The following FSHR variants were observed in gnomAD, a reference collection of about 807,000 sequenced individuals.
FSHR encodes the protein follicle-stimulating hormone receptor.
Under a neutral mutation model 52.1 loss-of-function variants are expected in FSHR, and 46 were observed. That is an observed-to-expected ratio of 0.88 (90% CI 0.70 to 1.13). FSHR has a LOEUF of 1.13. Among genes scored for constraint, FSHR ranks in the 50% most tolerant of loss-of-function variants. The probability of loss-of-function intolerance (pLI) is 0.00; values close to 1 mark genes in which losing one functional copy is unlikely to be tolerated. For missense variants in FSHR, 964 were observed against 834.6 expected, an observed-to-expected ratio of 1.16 and a Z score of -1.91; for synonymous variants, 399 against 309.6, an observed-to-expected ratio of 1.29 and a Z score of -3.03.
chr2:49,022,030 A>G (rs1422353487), intron 2 of FSHR, among the ~76,000 whole-genome samples: 7 of 151,068 alleles, frequency 4.6e-5, no homozygotes, highest in African/African-American at 1.7e-4. Flanking sequence ...GGGATGGAAG[A>G]AGAAAGCCTT....
rs770753253 is a variant in FSHR, at chr2:48,968,918, T to A, written c.669-35A>T. ...GAAAAGGTAAATATAACAGGATTACTATGGACCTAAAACTTTCTGCTCTTG... is the reference window on the plus strand; with the variant it reads ...GAAAAGGTAAATATAACAGGATTACAATGGACCTAAAACTTTCTGCTCTTG... On this transcript the variant is annotated intron_variant, in intron 8 of 9. Transcript: ENST00000406846. 2.5e-6 allele frequency: 4 copies of A among 1,595,416 alleles called. No individual in the cohort carries two copies. The Admixed American group carries it at 6.7e-5, about 27-fold the overall frequency.
intron 2 of FSHR, among the ~76,000 whole-genome samples, chr2:49,053,571 CA>C (rs1668946637): frequency 6.6e-6 from 1 of 152,074 alleles, no homozygotes; most frequent in Non-Finnish European, 1.5e-5. Flanking sequence ...TTTTTCCCCC[CA>C]CAAAGTCTCA....
At chr2:49,098,066 GAAATA>G (rs1670891629) in intron 1 of FSHR, among the ~76,000 whole-genome samples, 2 of 152,004 alleles carry the variant, frequency 1.3e-5, no homozygotes, top group Admixed American at 6.6e-5. Context: ...GTAGGGTTAC[GAAATA>G]AAATAAAGAT....
At chr2:48,978,490 A>T (rs2104044872) in intron 8 of FSHR, among the ~76,000 whole-genome samples, 1 of 152,374 alleles carries the variant, frequency 6.6e-6, no homozygotes, top group Middle Eastern at 3.4e-3. Flanking sequence ...AATGAATCTG[A>T]GCTATAGCCA....
intron 6 of FSHR, among the ~76,000 whole-genome samples, chr2:48,988,669 G>C (rs1675625777): frequency 6.6e-6 from 1 of 152,218 alleles, no homozygotes; most frequent in Non-Finnish European, 1.5e-5. Flanking sequence ...AGCCTTGCCA[G>C]GCAATAACTA....
chr2:49,081,969 G>A (rs1287627745), intron 1 of FSHR, among the ~76,000 whole-genome samples: 1 of 152,288 alleles, frequency 6.6e-6, no homozygotes, highest in South Asian at 2.1e-4. Flanking sequence ...ATGATACTGG[G>A]TTCTGTGTTC....
chr2:49,017,516 A>G lies in FSHR; in HGVS notation c.347T>C (p.Phe116Ser). 1 of 1,613,514 alleles carries G rather than the reference A, an allele frequency of 6.2e-7. No individual in the cohort carries two copies. The highest frequency in any genetic ancestry group is 1.1e-5 in the South Asian group (1 of 91,070). The stretch of plus-strand genomic sequence containing the variant: ...ATATTGAAGGTTGGGAAGGTTCTGG[A>G]AGGCCTCAGGGTTGATGTAGAGCAG... ...NNLLYINPEA[F>S]QNLPNLQYLL... Residue 116 changes from phenylalanine (F) to serine (S), a missense_variant, in exon 4 of 10, where the codon TTC becomes TCC. Transcript: ENST00000406846.
At chr2:49,153,243 C>T (rs1048366057) in intron 1 of FSHR, among the ~76,000 whole-genome samples, 3 of 152,170 alleles carry the variant, frequency 2.0e-5, no homozygotes, top group African/African-American at 7.2e-5. Flanking sequence ...TGCAAATCAT[C>T]CACAGCTTTA....
At chr2:49,148,313 T>A (rs1672941320) in intron 1 of FSHR, among the ~76,000 whole-genome samples, 1 of 151,964 alleles carries the variant, frequency 6.6e-6, no homozygotes, top group Non-Finnish European at 1.5e-5. Flanking sequence ...ACACAGGAAT[T>A]TTCTTAAAAC....
At chr2:49,057,396 A>T (rs1260974855) in intron 2 of FSHR, among the ~76,000 whole-genome samples, 1 of 152,178 alleles carries the variant, frequency 6.6e-6, no homozygotes, top group Non-Finnish European at 1.5e-5. Context: ...ATCATTAAAG[A>T]TTGCTATGAA....
At chr2:48,992,830 C>T (rs1178757137) in intron 4 of FSHR, among the ~76,000 whole-genome samples, 1 of 152,156 alleles carries the variant, frequency 6.6e-6, no homozygotes, top group Non-Finnish European at 1.5e-5. Context: ...TTCATTTTCT[C>T]ATATCCCATC....
intron 6 of FSHR, among the ~76,000 whole-genome samples, chr2:48,985,605 C>T (rs866892304): frequency 8.7e-5 from 13 of 150,040 alleles, no homozygotes; most frequent in Middle Eastern, 3.2e-3. Context: ...GTCTGATAAT[C>T]TTTCATTGCT....
intron 4 of FSHR, among the ~76,000 whole-genome samples, chr2:49,015,526 G>T (rs1353985610): frequency 1.3e-5 from 2 of 152,130 alleles, no homozygotes; most frequent in Non-Finnish European, 2.9e-5. Flanking sequence ...CAGAAGTCCG[G>T]TGATTGGCCC....
chr2:49,128,822 A>C (rs1193469351), intron 1 of FSHR, among the ~76,000 whole-genome samples: 2 of 152,160 alleles, frequency 1.3e-5, no homozygotes, highest in Non-Finnish European at 2.9e-5. Flanking sequence ...GTGGATAGGA[A>C]ACTCCTTAAT....
At chr2:49,048,427 T>C (rs527290067) in intron 2 of FSHR, among the ~76,000 whole-genome samples, 8 of 152,054 alleles carry the variant, frequency 5.3e-5, no homozygotes, top group African/African-American at 1.9e-4. Flanking sequence ...TTTCGAGGAA[T>C]ATGGGAAGAG....
intron 1 of FSHR, among the ~76,000 whole-genome samples, chr2:49,140,794 T>A (rs1672658232): frequency 6.6e-6 from 1 of 152,208 alleles, no homozygotes; most frequent in African/African-American, 2.4e-5. Flanking sequence ...ATCAATAATT[T>A]TTTTTTCCTG....
chr2:49,150,451 G>A (rs1037716635), intron 1 of FSHR, among the ~76,000 whole-genome samples: 1 of 152,032 alleles, frequency 6.6e-6, no homozygotes, highest in Admixed American at 6.6e-5. Flanking sequence ...TTTTACAGTT[G>A]AGAGCAACAT....
At chr2:49,042,544 C>G (rs1326619512) in intron 2 of FSHR, among the ~76,000 whole-genome samples, 1 of 152,188 alleles carries the variant, frequency 6.6e-6, no homozygotes, top group Non-Finnish European at 1.5e-5. Flanking sequence ...AATATTTTCT[C>G]CTCTATACAG....
chr2:49,092,043 T>G (rs1399052310), intron 1 of FSHR, among the ~76,000 whole-genome samples: 2 of 152,234 alleles, frequency 1.3e-5, no homozygotes, highest in Non-Finnish European at 2.9e-5. Context: ...TTATTTGATT[T>G]CTTTCATCAG....
Sources: gnomAD v4.1 joint callset for allele counts (sites outside exome capture counted in the v4.1 genomes callset) on GRCh38, gnomAD v4.1.1 for gene constraint, MANE v1.5 for transcripts, NCBI Gene and HGNC (gene_info 2026-07-23, HGNC 2026-07-21) for gene names.